RALY: variants seen among roughly 807,000 people sequenced by gnomAD.
The protein encoded by RALY is RALY heterogeneous nuclear ribonucleoprotein, also known as RNA-binding protein Raly.
In RALY, 15 loss-of-function variants were observed where a neutral mutation model predicts 30.7. The ratio of observed to expected loss-of-function variants is 0.49; its 90% CI spans 0.33 to 0.75. The LOEUF is 0.75. Ranked by LOEUF, RALY falls within the 30% of genes least tolerant of loss-of-function variation. The pLI, the probability that RALY is intolerant of heterozygous loss-of-function variation, is 0.02. For synonymous variants in RALY, 177 were observed against 170.8 expected (o/e 1.04, Z -0.28); for missense variants, 339 against 414.3 (o/e 0.82, Z 1.58).
chr20:34,006,898 A>G (rs543922022), intron 1 of RALY, among the ~76,000 whole-genome samples: 20 of 152,316 alleles, frequency 1.3e-4, no homozygotes, highest in Admixed American at 1.2e-3. Context: ...GCATGAGTGT[A>G]GTTATCCCCC....
intron 1 of RALY, among the ~76,000 whole-genome samples, chr20:33,999,491 C>T (rs969610904): frequency 1.3e-5 from 2 of 152,074 alleles, no homozygotes; most frequent in African/African-American, 2.4e-5. Flanking sequence ...CCTAGACATC[C>T]GGGTGTGGCA....
chr20:34,011,659 A>C (rs1193181721), intron 1 of RALY, among the ~76,000 whole-genome samples: 1 of 152,222 alleles, frequency 6.6e-6, no homozygotes, highest in Non-Finnish European at 1.5e-5. Flanking sequence ...CTCTGTAGGA[A>C]ACAGCTTCTA....
intron 2 of RALY, among the ~76,000 whole-genome samples, chr20:34,059,840 A>G (rs138363397): frequency 1.5e-4 from 23 of 152,316 alleles, no homozygotes; most frequent in Non-Finnish European, 2.9e-4. Flanking sequence ...GCTTCTTGAA[A>G]TATCAGCCCT....
At chr20:34,062,755 A>T (rs371824578) in intron 2 of RALY, among the ~76,000 whole-genome samples, 1 of 152,226 alleles carries the variant, frequency 6.6e-6, no homozygotes, top group African/African-American at 2.4e-5. Flanking sequence ...CCCTTTGATG[A>T]CTTTTAAACT....
intron 1 of RALY, among the ~76,000 whole-genome samples, chr20:34,030,666 G>A (rs961396988): frequency 2.6e-5 from 4 of 152,280 alleles, no homozygotes; most frequent in African/African-American, 7.2e-5. Context: ...TTGATCTTGC[G>A]CAAGTAACCT....
At chr20:33,997,919 C>A (rs1213250124) in intron 1 of RALY, among the ~76,000 whole-genome samples, 1 of 152,098 alleles carries the variant, frequency 6.6e-6, no homozygotes, top group Non-Finnish European at 1.5e-5. Flanking sequence ...ATCTGATGGC[C>A]CCAACATTGC....
At chr20:33,998,319 A>G (rs779718842) in intron 1 of RALY, among the ~76,000 whole-genome samples, 2 of 152,208 alleles carry the variant, frequency 1.3e-5, no homozygotes, top group Non-Finnish European at 2.9e-5. Context: ...GGTTAAGCCT[A>G]GCCCTCAAGA....
At chr20:33,999,841 G>T (rs1476116979) in intron 1 of RALY, among the ~76,000 whole-genome samples, 1 of 152,058 alleles carries the variant, frequency 6.6e-6, no homozygotes, top group Non-Finnish European at 1.5e-5. Flanking sequence ...GTGTGCTCCA[G>T]TCTTTTTCTC....
At chr20:34,041,593 C>T (rs1368759318) in intron 2 of RALY, among the ~76,000 whole-genome samples, 1 of 152,324 alleles carries the variant, frequency 6.6e-6, no homozygotes, top group Non-Finnish European at 1.5e-5. Flanking sequence ...TCCCCCTCCT[C>T]ACTCATTCAT....
intron 2 of RALY, among the ~76,000 whole-genome samples, chr20:34,071,485 G>C (rs965473341): frequency 1.3e-5 from 2 of 151,864 alleles, no homozygotes; most frequent in Non-Finnish European, 2.9e-5. Context: ...CGCCATGTTG[G>C]CCAGGCTGGT....
chr20:34,072,071 C>T lies in RALY; in HGVS notation c.-4C>T. On this transcript the variant is annotated 5_prime_UTR_variant, in exon 3 of 10. Transcript: ENST00000246194. ...CCGAGGCTCTTTTTCTTCAGGTGGGCACCATGTCCTTGAAGCTTCAGGCAA... is the reference window on the plus strand; with the variant it reads ...CCGAGGCTCTTTTTCTTCAGGTGGGTACCATGTCCTTGAAGCTTCAGGCAA... 2 of 1,613,692 alleles carry T rather than the reference C, an allele frequency of 1.2e-6. No individual in the cohort carries two copies. Among genetic ancestry groups the T allele is most frequent in the Non-Finnish European group, 8.5e-7 (1 of 1,179,664 alleles).
intron 6 of RALY, 198 bp downstream of exon 6, chr20:34,076,238 G>A: frequency 1.4e-6 from 1 of 707,596 alleles, no homozygotes; most frequent in Non-Finnish European, 2.3e-6. Context: ...GTTGGGCACA[G>A]AGAGTCCAGT....
At chr20:34,040,861 G>A (rs1380865467) in intron 2 of RALY, among the ~76,000 whole-genome samples, 2 of 152,204 alleles carry the variant, frequency 1.3e-5, no homozygotes, top group Non-Finnish European at 2.9e-5. Context: ...TGTAAGGTAA[G>A]CTGTTTCCTG....
At chr20:34,023,867 A>G (rs2031921541) in intron 1 of RALY, among the ~76,000 whole-genome samples, 2 of 152,086 alleles carry the variant, frequency 1.3e-5, no homozygotes, top group African/African-American at 4.8e-5. Flanking sequence ...TGGAACTGCA[A>G]ATTTCAAGCT....
intron 1 of RALY, 42 bp downstream of exon 1, chr20:33,994,173 G>T (rs1376816428): frequency 6.6e-6 from 1 of 152,412 alleles, no homozygotes. Flanking sequence ...GTGCGGGGAG[G>T]GTGTGTGCTT....
At chr20:34,000,074 A>G (rs757976366) in intron 1 of RALY, among the ~76,000 whole-genome samples, 16 of 152,098 alleles carry the variant, frequency 1.1e-4, no homozygotes, top group South Asian at 2.1e-4. Flanking sequence ...GTCTTATTCA[A>G]TTTTGGCTTC....
intron 1 of RALY, among the ~76,000 whole-genome samples, 172 bp from the exon 2 acceptor site, chr20:34,031,350 C>T (rs1027459554): frequency 6.6e-5 from 10 of 151,984 alleles, no homozygotes; most frequent in South Asian, 2.1e-4. Context: ...CATGAGCCAC[C>T]GCGCCAGGCG....
intron 2 of RALY, among the ~76,000 whole-genome samples, chr20:34,048,514 T>G (rs1189178541): frequency 1.3e-5 from 2 of 152,090 alleles, no homozygotes; most frequent in Non-Finnish European, 2.9e-5. Context: ...GCATTAGTAG[T>G]GGAGTTAGAA....
intron 1 of RALY, among the ~76,000 whole-genome samples, chr20:33,994,734 C>T (rs2030518036): frequency 2.0e-5 from 3 of 152,102 alleles, no homozygotes; most frequent in African/African-American, 4.8e-5. Flanking sequence ...TCTTAGTTTG[C>T]CTCTCGGTGA....
Sources: gnomAD v4.1 joint callset for allele counts (sites outside exome capture counted in the v4.1 genomes callset) on GRCh38, gnomAD v4.1.1 for gene constraint, MANE v1.5 for transcripts, NCBI Gene and HGNC (gene_info 2026-07-23, HGNC 2026-07-21) for gene names.